The following IL1RAPL2 variants were observed in gnomAD, a reference collection of about 807,000 sequenced individuals.
The protein encoded by IL1RAPL2 is X-linked interleukin-1 receptor accessory protein-like 2.
In IL1RAPL2, 3 loss-of-function variants were observed where a neutral mutation model predicts 44.1. That is an observed-to-expected ratio of 0.07 (90% CI 0.03 to 0.18). IL1RAPL2 has a LOEUF of 0.18. IL1RAPL2 is among the 10% of genes least tolerant of loss of function. The probability of loss-of-function intolerance (pLI) is 1.00; values close to 1 mark genes in which losing one functional copy is unlikely to be tolerated. For missense variants in IL1RAPL2, 391 were observed against 496.4 expected, an observed-to-expected ratio of 0.79 and a Z score of 2.02; for synonymous variants, 181 against 178.8, an observed-to-expected ratio of 1.01 and a Z score of -0.10.
chrX:105,135,669 A>G (rs1418055736), intron 2 of IL1RAPL2, among the ~76,000 whole-genome samples: 1 of 111,864 alleles, frequency 8.9e-6, no homozygotes, highest in African/African-American at 3.2e-5. Context: ...CTCAAAAATT[A>G]TTACGTGATT....
At position 105,714,179 on chromosome X, in the gene IL1RAPL2, C is replaced by A. The variant is rs868557280; in HGVS notation, c.773-3188C>A. 9.8e-5 allele frequency among the ~76,000 whole-genome samples: 11 copies of A among 111,700 alleles called. No individual in the cohort carries two copies. The Middle Eastern group carries it at 0.014, about 140-fold the overall frequency. On this transcript the variant is annotated intron_variant, in intron 6 of 10. Coordinates refer to ENST00000372582, the MANE Select transcript of IL1RAPL2 (RefSeq NM_017416.2). ...TCTTTCTGATACCTCATCACAGTTGCCTTTACTGTCCATATTCCTACCAAC... is the reference window on the plus strand; with the variant it reads ...TCTTTCTGATACCTCATCACAGTTGACTTTACTGTCCATATTCCTACCAAC...
At chrX:105,735,165 C>T (rs1268794949) in intron 7 of IL1RAPL2, among the ~76,000 whole-genome samples, 1 of 111,176 alleles carries the variant, frequency 9.0e-6, no homozygotes, top group African/African-American at 3.3e-5. Flanking sequence ...ACTAATAGTA[C>T]CAATCTAAAT....
At chrX:104,761,908 TCTC>T (rs1932451484) in intron 2 of IL1RAPL2, among the ~76,000 whole-genome samples, 1 of 50,143 alleles carries the variant, frequency 2.0e-5, no homozygotes, top group Non-Finnish European at 3.3e-5. Flanking sequence ...TCCTTCTCCT[TCTC>T]CTTCTCCTTC....
At chrX:105,045,154 G>A (rs988789328) in intron 2 of IL1RAPL2, among the ~76,000 whole-genome samples, 1 of 110,982 alleles carries the variant, frequency 9.0e-6, no homozygotes, top group African/African-American at 3.3e-5. Context: ...CAATTAATGA[G>A]CTCCAGAAAA....
intron 6 of IL1RAPL2, among the ~76,000 whole-genome samples, chrX:105,634,098 G>A (rs768479401): frequency 5.4e-5 from 6 of 111,098 alleles, no homozygotes; most frequent in Middle Eastern, 4.6e-3. Context: ...TTGAGAGTGC[G>A]TCTTCTACTT....
chrX:105,067,500 C>T (rs951719828), intron 2 of IL1RAPL2, among the ~76,000 whole-genome samples: 2 of 111,538 alleles, frequency 1.8e-5, no homozygotes, highest in Admixed American at 9.6e-5. Context: ...ATTTGTCAGG[C>T]ACTGTTCCAA....
intron 5 of IL1RAPL2, among the ~76,000 whole-genome samples, chrX:105,437,025 GTATATATATA>G (rs71694806): frequency 9.2e-4 from 84 of 91,085 alleles, no homozygotes; most frequent in Non-Finnish European, 6.2e-4. Flanking sequence ...AAATATAAAC[GTATATATATA>G]TATATATATA....
chrX:104,587,087 G>A (rs764296436), intron 1 of IL1RAPL2, among the ~76,000 whole-genome samples: 3 of 111,264 alleles, frequency 2.7e-5, no homozygotes, highest in African/African-American at 9.8e-5. Flanking sequence ...TAGGACAGGG[G>A]TACTGAACCA....
chrX:104,802,188 T>C (rs1482017277), intron 2 of IL1RAPL2, among the ~76,000 whole-genome samples: 5 of 109,691 alleles, frequency 4.6e-5, no homozygotes, highest in Non-Finnish European at 9.5e-5. Flanking sequence ...CTACTAAAAA[T>C]ACAAAATTTA....
chrX:104,688,546 G>A (rs1335512264), intron 2 of IL1RAPL2, among the ~76,000 whole-genome samples: 2 of 111,576 alleles, frequency 1.8e-5, no homozygotes, highest in African/African-American at 6.5e-5. Flanking sequence ...ATAAGTGTAT[G>A]TTTGTTGAAT....
At chrX:105,322,585 T>A (rs761091162) in intron 5 of IL1RAPL2, among the ~76,000 whole-genome samples, 1 of 111,993 alleles carries the variant, frequency 8.9e-6, no homozygotes, top group Non-Finnish European at 1.9e-5. Flanking sequence ...ATGTCCCAGT[T>A]ACATGTCTCT....
At chrX:105,401,748 ATTAT>A (rs903274194) in intron 5 of IL1RAPL2, among the ~76,000 whole-genome samples, 1 of 110,759 alleles carries the variant, frequency 9.0e-6, no homozygotes, top group Non-Finnish European at 1.9e-5. Context: ...TGAAATTCTG[ATTAT>A]TTACTCTAAT....
rs951307220 is a variant in IL1RAPL2 at position 105,459,285 on chromosome X, C to T, written c.698-25028C>T. 3.6e-5 allele frequency among the ~76,000 whole-genome samples: 4 copies of T among 110,565 alleles called. No homozygotes were observed. The Admixed American group carries it at 3.9e-4, about 11-fold the overall frequency. The stretch of plus-strand genomic sequence containing the variant: ...GTGTGTGTGTCTCTGTGTGCATGTG[C>T]GTCCATCTGCCTGTTTATCTGTCTG... On this transcript the variant is annotated intron_variant, in intron 5 of 10. Transcript: ENST00000372582.
intron 2 of IL1RAPL2, among the ~76,000 whole-genome samples, chrX:104,839,485 G>C (rs376882749): frequency 8.9e-6 from 1 of 111,803 alleles, no homozygotes; most frequent in East Asian, 2.8e-4. Context: ...GACTCAGTTT[G>C]CCAGTATTTT....
intron 2 of IL1RAPL2, among the ~76,000 whole-genome samples, chrX:105,194,505 AT>A (rs1342861268): frequency 8.9e-6 from 1 of 111,929 alleles, no homozygotes; most frequent in African/African-American, 3.3e-5. Context: ...ACAGCATTTC[AT>A]TTTTAACCGT....
At chrX:105,027,335 G>GT (rs1411930685) in intron 2 of IL1RAPL2, among the ~76,000 whole-genome samples, 1 of 111,211 alleles carries the variant, frequency 9.0e-6, no homozygotes, top group African/African-American at 3.3e-5. Flanking sequence ...ATCACATCAA[G>GT]TTAAAAAGCT....
At chrX:104,986,084 T>TC (rs1358876651) in intron 2 of IL1RAPL2, among the ~76,000 whole-genome samples, 3 of 112,229 alleles carry the variant, frequency 2.7e-5, no homozygotes, top group Non-Finnish European at 3.8e-5. Flanking sequence ...TTCTACCTCT[T>TC]CTCTAAAAGT....
At chrX:104,591,955 T>C (rs17332134) in intron 1 of IL1RAPL2, among the ~76,000 whole-genome samples, 8,347 of 109,952 alleles carry the variant, frequency 0.076, 306 homozygotes, top group Non-Finnish European at 0.11. Context: ...AGTTGTGATA[T>C]CGCCTAAGAA....
chrX:105,501,344 C>T (rs151001081), intron 6 of IL1RAPL2, among the ~76,000 whole-genome samples: 12 of 111,638 alleles, frequency 1.1e-4, no homozygotes, highest in Non-Finnish European at 1.7e-4. Context: ...AAGATCTTAG[C>T]CTTGTACGAT....
Sources: gnomAD v4.1 joint callset for allele counts (sites outside exome capture counted in the v4.1 genomes callset) on GRCh38, gnomAD v4.1.1 for gene constraint, MANE v1.5 for transcripts, NCBI Gene and HGNC (gene_info 2026-07-23, HGNC 2026-07-21) for gene names.